Variants in NAA40 observed in about 807,000 individuals in gnomAD.
NAA40 encodes the protein N-alpha-acetyltransferase 40, NatD catalytic subunit, also known as N-alpha-acetyltransferase 40.
A neutral mutation model predicts 36.6 loss-of-function variants in NAA40; 26 were observed. That is an observed-to-expected ratio of 0.71 (90% CI 0.52 to 0.98). NAA40 has a LOEUF of 0.98. Among genes scored for constraint, NAA40 ranks in the 50% least tolerant of loss-of-function variants. The pLI is 0.00. For synonymous variants in NAA40, 129 were observed against 108.4 expected, an observed-to-expected ratio of 1.19 and a Z score of -1.18; for missense variants, 237 against 306.5, an observed-to-expected ratio of 0.77 and a Z score of 1.69.
chr11:63,954,319 TC>T lies in NAA40; in HGVS notation c.573-18del. On this transcript the variant is annotated intron_variant, in intron 7 of 7. Transcript: ENST00000377793. ...CTCAGCTGCCTGCCACCAACCCTTT[TC>T]TCCTGCCTGCCTTGCAGATTTGAAA... is the stretch of plus-strand genomic sequence containing the variant. 1 of 1,570,822 alleles carries T rather than the reference TC, an allele frequency of 6.4e-7. No homozygotes were observed. The highest frequency in any genetic ancestry group is 8.6e-7 in the Non-Finnish European group (1 of 1,158,082).
intron 1 of NAA40, among the ~76,000 whole-genome samples, chr11:63,942,870 T>C (rs535189209): frequency 6.6e-6 from 1 of 152,258 alleles, no homozygotes; most frequent in South Asian, 2.1e-4. Context: ...GATTGCCAGG[T>C]CTACATGAAT....
intron 3 of NAA40, among the ~76,000 whole-genome samples, chr11:63,951,740 C>A (rs189281579): frequency 2.6e-5 from 4 of 152,066 alleles, no homozygotes; most frequent in Non-Finnish European, 5.9e-5. Context: ...GTAGTCTTCT[C>A]GAAGGACCTA....
intron 6 of NAA40, among the ~76,000 whole-genome samples, chr11:63,953,113 A>C (rs1942309167): frequency 7.3e-6 from 1 of 136,076 alleles, no homozygotes; most frequent in African/African-American, 2.8e-5. Flanking sequence ...CAATGGTGCC[A>C]TCTTGGCTCA....
chr11:63,952,308 C>G lies in NAA40; in HGVS notation c.226C>G (p.Leu76Val). Residue 76 changes from leucine (L) to valine (V), a missense_variant, in exon 4 of 8, where the codon CTG becomes GTG. By Grantham distance (32) the Leu-to-Val change is conservative. Transcript: ENST00000377793. ...AGCCACCGTGGATTGGGCCTTCGAC[C>G]TGACCAAAACGAATATGCAAACCAT... is the stretch of plus-strand genomic sequence containing the variant. Reference protein sequence around the residue: ...EPATVDWAFDLTKTNMQTMYE... With the variant: ...EPATVDWAFDVTKTNMQTMYE... 6.2e-7 allele frequency: 1 copy of G among 1,613,944 alleles called. No homozygotes were observed. Among genetic ancestry groups the G allele is most frequent in the Non-Finnish European group, 8.5e-7 (1 of 1,179,862 alleles).
At position 63,946,962 on chromosome 11, in the gene NAA40, T is replaced by C. The variant is rs757422545; in HGVS notation, c.114T>C (p.Pro38=). The change falls in exon 3 of 8, where the codon CCT becomes CCC. Residue 38 remains proline, a synonymous_variant. Coordinates refer to ENST00000377793, the MANE Select transcript of NAA40 (RefSeq NM_024771.4). ...KVDAANRLGD[P]LEAFPVFKKY... ...CTTTCCCTCCACAGCTTGGAGACCC[T>C]CTGGAGGCTTTCCCAGTGTTCAAGA... 8.4e-5 allele frequency: 135 copies of C among 1,614,046 alleles called. No homozygotes were observed. The highest frequency in any genetic ancestry group is 1.1e-4 in the Non-Finnish European group (129 of 1,180,024).
chr11:63,949,845 C>T (rs1000387467), intron 3 of NAA40, among the ~76,000 whole-genome samples: 19 of 147,964 alleles, frequency 1.3e-4, no homozygotes, highest in African/African-American at 3.7e-4. Flanking sequence ...CCCGGATTCA[C>T]GCCATTATCC....
intron 1 of NAA40, among the ~76,000 whole-genome samples, chr11:63,944,279 C>A (rs921668925): frequency 6.6e-6 from 1 of 152,044 alleles, no homozygotes; most frequent in African/African-American, 2.4e-5. Context: ...CGTGTCAGGG[C>A]TAGATGTAAT....
chr11:63,944,395 GTGCCTTTGGGA>G (rs1296560737), intron 1 of NAA40, among the ~76,000 whole-genome samples: 1 of 152,176 alleles, frequency 6.6e-6, no homozygotes, highest in East Asian at 1.9e-4. Flanking sequence ...CAACTTACCA[GTGCCTTTGGGA>G]TGCCTTCTGG....
chr11:63,950,477 G>C (rs1210708962), intron 3 of NAA40, among the ~76,000 whole-genome samples: 8 of 148,752 alleles, frequency 5.4e-5, no homozygotes, highest in Non-Finnish European at 8.9e-5. Context: ...TAGTGTTTTC[G>C]TTTTTGTTTT....
At chr11:63,945,983 G>A in intron 2 of NAA40, 48 bp downstream of exon 2, 1 of 1,553,944 alleles carries the variant, frequency 6.4e-7, no homozygotes, top group Non-Finnish European at 8.9e-7. Flanking sequence ...ACTTCAGCTT[G>A]GTTTATAATT....
chr11:63,953,912 A>G (rs1480366353), intron 6 of NAA40, 60 bp from the exon 7 acceptor site: 2 of 1,471,632 alleles, frequency 1.4e-6, no homozygotes, highest in Non-Finnish European at 1.9e-6. Flanking sequence ...TTACAGGTGC[A>G]TGCCACCATG....
In NAA40 at chr11:63,952,563, C is replaced by T. The variant is rs1198401311; in HGVS notation, c.408C>T (p.Tyr136=). The change falls in exon 5 of 8, where the codon TAC becomes TAT. Residue 136 remains tyrosine (Y), a splice_region_variant and synonymous_variant. Transcript: ENST00000377793. The part of the protein sequence containing the change: ...FDVECGDEVL[Y]CYEVQLESKV... ...TGGAGTGTGGGGATGAAGTCCTGTACTGGTAGGAGCCATGGCTTGGGGGAG... is the reference window on the plus strand; with the variant it reads ...TGGAGTGTGGGGATGAAGTCCTGTATTGGTAGGAGCCATGGCTTGGGGGAG... The T allele has an allele frequency of 1.9e-6, 3 of 1,613,576 alleles. No homozygotes were observed. The highest frequency in any genetic ancestry group is 2.2e-5 in the East Asian group (1 of 44,872).
chr11:63,952,332 A>G lies in NAA40; in HGVS notation c.250A>G (p.Met84Val), dbSNP rs1462480458. ...CCTGACCAAAACGAATATGCAAACC[A>G]TGTAAGCTTGTCCCAACCAGGGGAG... The part of the protein sequence containing the change: ...FDLTKTNMQT[M>V]YEQSEWGWKD... The change falls in exon 4 of 8, where the codon ATG becomes GTG. Residue 84 changes from methionine (M) to valine (V), a missense_variant and splice_region_variant. Transcript: ENST00000377793. 12 of 1,613,694 alleles carry G rather than the reference A, an allele frequency of 7.4e-6. No homozygotes were observed. In the Admixed American group the frequency reaches 1.2e-4, roughly 16 times the overall value.
At chr11:63,943,139 C>T (rs908629631) in intron 1 of NAA40, among the ~76,000 whole-genome samples, 2 of 152,210 alleles carry the variant, frequency 1.3e-5, no homozygotes, top group African/African-American at 4.8e-5. Context: ...AAGAGGCCAA[C>T]ATTTGTACCC....
At position 63,939,025 on chromosome 11, in the gene NAA40, T is replaced by G. The variant is rs1942060921; in HGVS notation, c.-72T>G. On this transcript the variant is annotated 5_prime_UTR_variant, in exon 1 of 8. Transcript: ENST00000377793. ...CCGTCCGCTCTGCTGCCGCCGCTGTTGCAGCCACCGCCGTTGCCGCCTCCC... is the reference window on the plus strand; with the variant it reads ...CCGTCCGCTCTGCTGCCGCCGCTGTGGCAGCCACCGCCGTTGCCGCCTCCC... 7 of 1,551,322 alleles carry G rather than the reference T, an allele frequency of 4.5e-6. No individual in the cohort carries two copies. In the South Asian group the frequency reaches 6.7e-5, roughly 15 times the overall value.
At chr11:63,953,247 C>T (rs988549981) in intron 6 of NAA40, among the ~76,000 whole-genome samples, 3 of 152,036 alleles carry the variant, frequency 2.0e-5, no homozygotes, top group African/African-American at 2.4e-5. Flanking sequence ...GGGGTTTCTC[C>T]ATGTTAAGGC....
chr11:63,952,378 T>C (rs1408831965), intron 4 of NAA40, 29 bp from the exon 5 acceptor site: 2 of 1,613,260 alleles, frequency 1.2e-6, no homozygotes, highest in Admixed American at 3.3e-5. Context: ...CTCGCAGCTT[T>C]CCCGTCTGAC....
intron 1 of NAA40, among the ~76,000 whole-genome samples, chr11:63,944,255 TC>T: frequency 6.6e-6 from 1 of 152,284 alleles, no homozygotes; most frequent in African/African-American, 2.4e-5. Context: ...GAGTGTCCTT[TC>T]CTGGGGCCAG....
Position 63,940,594 on chromosome 11 carries a change from C to T in NAA40, c.6+1492C>T, listed in dbSNP as rs534154175. ...TAAGGAGGTGTCTCCTAAGTAGTGG[C>T]TGTTATTTTTGTCTGTATCCTCAGC... On this transcript the variant is annotated intron_variant, in intron 1 of 7. Transcript: ENST00000377793. Among the ~76,000 whole-genome samples, 36 of 152,240 alleles carry T rather than the reference C, an allele frequency of 2.4e-4. No individual in the cohort carries two copies. In the South Asian group the frequency reaches 7.3e-3, roughly 31 times the overall value.
Sources: allele counts gnomAD v4.1 joint callset (sites outside exome capture counted in the v4.1 genomes callset), GRCh38; gene constraint gnomAD v4.1.1; transcripts MANE v1.5; gene names NCBI Gene and HGNC (gene_info 2026-07-23, HGNC 2026-07-21).